Variants in COL2A1 observed in about 807,000 individuals in gnomAD.
COL2A1 encodes the protein collagen type II alpha 1 chain.
Under a neutral mutation model 204.5 loss-of-function variants are expected in COL2A1, and 28 were observed. The ratio of observed to expected loss-of-function variants is 0.14; its 90% confidence interval spans 0.10 to 0.19. The LOEUF (loss-of-function observed/expected upper bound fraction) is 0.19. Among genes scored for constraint, COL2A1 ranks in the 10% least tolerant of loss-of-function variants. The pLI, the probability that COL2A1 is intolerant of heterozygous loss-of-function variation, is 1.00. For missense variants in COL2A1, 1,388 were observed against 2,027.5 expected (o/e 0.68, Z 6.06); for synonymous variants, 708 against 718.7 (o/e 0.99, Z 0.24).
rs140120720 is a variant in COL2A1, at chr12:47,998,185, G to C, written c.326C>G (p.Pro109Arg). 8 of 1,613,996 alleles carry C rather than the reference G, an allele frequency of 5.0e-6. No individual in the cohort carries two copies. In the East Asian group the frequency reaches 6.7e-5, roughly 13 times the overall value. ...QPGPKGQKGE[P>R]GDIKDIVGPK... Reference sequence around the variant, plus strand: ...TGCACTTACATCCTTGATGTCTCCAGGTTCTCCTTTCTGTCCCTGAAACAT... The same window carrying C: ...TGCACTTACATCCTTGATGTCTCCACGTTCTCCTTTCTGTCCCTGAAACAT... Residue 109 changes from proline to arginine, a missense_variant, in exon 4 of 54, where the codon CCT becomes CGT. Around this residue, in one of 3 missense-constraint regions of COL2A1, gnomAD observed 201 missense variants for 242.4 expected, o/e 0.83. Transcript: ENST00000380518.
intron 1 of COL2A1, among the ~76,000 whole-genome samples, chr12:48,000,529 A>G (rs1940184999): frequency 6.6e-6 from 1 of 152,184 alleles, no homozygotes; most frequent in Non-Finnish European, 1.5e-5. Context: ...ATAAAAAGAA[A>G]GGAGACAGAA....
At chr12:47,989,701 G>A in intron 17 of COL2A1, 60 bp downstream of exon 17, 2 of 1,484,858 alleles carry the variant, frequency 1.3e-6, no homozygotes, top group East Asian at 2.3e-5. Flanking sequence ...ACTGCCTTGG[G>A]CTGCTTAACG....
At chr12:47,993,603 C>G in intron 14 of COL2A1, 101 bp from the exon 15 acceptor site, 1 of 1,175,806 alleles carries the variant, frequency 8.5e-7, no homozygotes. Context: ...TCAGCTCGCA[C>G]TGACACAAAC....
rs540750398 is a variant in COL2A1 at position 47,973,451 on chromosome 12, C to T, written c.4420G>A (p.Glu1474Lys). 1.5e-5 allele frequency: 24 copies of T among 1,614,004 alleles called. No individual in the cohort carries two copies. In the Admixed American group the frequency reaches 2.5e-4, roughly 17 times the overall value. ...DIAPMDIGGP[E>K]QEFGVDIGPV... The stretch of plus-strand genomic sequence containing the variant: ...CCTATGTCCACACCGAATTCCTGCT[C>T]GGGCCCTCCTATGTCCATGGGTGCA... The change falls in exon 54 of 54, where the codon GAG becomes AAG. Residue 1474 changes from glutamate to lysine, a missense_variant. Physicochemically the swap from Glu to Lys is moderately conservative, Grantham distance 56. Transcript: ENST00000380518.
chr12:47,991,169 G>A (rs1324903409), intron 16 of COL2A1, among the ~76,000 whole-genome samples: 1 of 152,162 alleles, frequency 6.6e-6, no homozygotes, highest in African/African-American at 2.4e-5. Flanking sequence ...GCAGTTCCTT[G>A]GGGAGCTCTG....
At chr12:47,981,268 G>T (rs1939065082) in intron 37 of COL2A1, 75 bp downstream of exon 37, 3 of 1,486,422 alleles carry the variant, frequency 2.0e-6, no homozygotes, top group Non-Finnish European at 2.8e-6. Context: ...CAGCATGAGG[G>T]CCTGCACTGA....
intron 12 of COL2A1, 69 bp downstream of exon 12, chr12:47,994,355 A>G (rs1176502296): frequency 1.2e-5 from 18 of 1,533,364 alleles, no homozygotes; most frequent in Non-Finnish European, 1.5e-5. Context: ...AACTGGATGC[A>G]CTGTGTTTAA....
At chr12:47,981,150 C>G (rs1378275227) in intron 37 of COL2A1, among the ~76,000 whole-genome samples, 182 bp from the exon 38 acceptor site, 1 of 152,210 alleles carries the variant, frequency 6.6e-6, no homozygotes, top group Non-Finnish European at 1.5e-5. Flanking sequence ...ACCCTGAACA[C>G]ATGATGGGAG....
rs1416036953 is a variant in COL2A1 at position 47,978,788 on chromosome 12, C to T, written c.2734-30G>A. 4 of 1,607,540 alleles carry T rather than the reference C, an allele frequency of 2.5e-6. No homozygotes were observed. Among genetic ancestry groups the T allele is most frequent in the East Asian group, 2.2e-5 (1 of 44,846 alleles). ...AAGGAGAAAATGCGGGAAGTGAGGA[C>T]TCATCTCACCCTTCCTCATCCAGGC... On this transcript the variant is annotated intron_variant, in intron 41 of 53. Coordinates refer to ENST00000380518, the MANE Select transcript of COL2A1 (RefSeq NM_001844.5). This position sits in a 1 kb window ranked among gnomAD's most constrained non-coding sequence, Gnocchi z 5.5.
chr12:47,996,251 G>A (rs1232550340), intron 8 of COL2A1, among the ~76,000 whole-genome samples: 2 of 152,206 alleles, frequency 1.3e-5, no homozygotes, highest in Non-Finnish European at 2.9e-5. Context: ...AACAGTAGCT[G>A]CTGTCTGCAT....
Position 47,976,235 on chromosome 12 carries a change from C to T in COL2A1, c.3490-165G>A, listed in dbSNP as rs545968052. ...AGTTGGTCTCTATTTGGCCAAGAAC[C>T]AGCAGGATAGCTCCATGGCTTGCCT... On this transcript the variant is annotated intron_variant, in intron 49 of 53. Coordinates refer to ENST00000380518, the MANE Select transcript of COL2A1 (RefSeq NM_001844.5). The surrounding 1 kb of genome is among the most constrained non-coding windows in gnomAD (Gnocchi z 4.3). Among the ~76,000 whole-genome samples the T allele has an allele frequency of 6.6e-6, 1 of 152,240 alleles. No individual in the cohort carries two copies. Among genetic ancestry groups the T allele is most frequent in the Non-Finnish European group, 1.5e-5 (1 of 68,028 alleles).
intron 2 of COL2A1, chr12:47,999,713 A>C (rs1940142142): frequency 4.1e-6 from 2 of 488,644 alleles, no homozygotes; most frequent in Non-Finnish European, 3.5e-6. Flanking sequence ...GATGTTGGGC[A>C]AAGAAGGACC....
chr12:47,975,870 T>C (rs896648876), intron 50 of COL2A1, 93 bp downstream of exon 50: 3 of 973,154 alleles, frequency 3.1e-6, no homozygotes, highest in African/African-American at 1.6e-5. Flanking sequence ...AGCTGCAGGC[T>C]GATGCCCTAA....
intron 14 of COL2A1, 66 bp downstream of exon 14, chr12:47,993,724 AGCTCCACAGTGTCTCCCTG>A: frequency 6.8e-7 from 1 of 1,479,130 alleles, no homozygotes; most frequent in Non-Finnish European, 9.4e-7. Context: ...AGTTCCACTG[AGCTCCACAGTGTCTCCCTG>A]GCTAGGAAGA....
intron 51 of COL2A1, 52 bp downstream of exon 51, chr12:47,975,265 A>G: frequency 6.2e-7 from 1 of 1,606,416 alleles, no homozygotes; most frequent in Non-Finnish European, 8.5e-7. Flanking sequence ...TGCTAGGCCT[A>G]AGGGATGACT....
Position 47,974,859 on chromosome 12 carries a change from T to C in COL2A1, c.3890A>G (p.Asp1297Gly). Reference sequence around the variant, plus strand: ...GCCTTGGTTGGGGTCAATCCAGTAGTCTCCTGCAGGGGGAAGAGGCAGCAC... The same window carrying C: ...GCCTTGGTTGGGGTCAATCCAGTAGCCTCCTGCAGGGGGAAGAGGCAGCAC... ...KLCHPEWKSG[D>G]YWIDPNQGCT... Residue 1297 changes from aspartate to glycine, a missense_variant, in exon 52 of 54, where the codon GAC becomes GGC. Physicochemically the swap from Asp to Gly is moderately conservative, Grantham distance 94 (BLOSUM62 -1). Around this residue, in one of 3 missense-constraint regions of COL2A1, gnomAD observed 303 missense variants for 369.2 expected, o/e 0.82. Transcript: ENST00000380518. 6.2e-7 allele frequency: 1 copy of C among 1,612,964 alleles called. No individual in the cohort carries two copies. The highest frequency in any genetic ancestry group is 8.5e-7 in the Non-Finnish European group (1 of 1,179,232).
intron 2 of COL2A1, chr12:47,999,634 A>ATTTTTT (rs10708850): frequency 0.18 from 27,446 of 155,316 alleles, 3,801 homozygotes; most frequent in East Asian, 0.45. Context: ...TTCAGAGAGG[A>ATTTTTT]TTTTTTTTTT....
At chr12:47,982,827 A>C in intron 33 of COL2A1, 21 bp downstream of exon 33, 1 of 1,600,454 alleles carries the variant, frequency 6.2e-7, no homozygotes. Context: ...GAAGACCCCT[A>C]CAGGATGCAG....
In COL2A1 at chr12:47,987,027, G is replaced by T; in HGVS notation, c.1365+51C>A. On this transcript the variant is annotated intron_variant, in intron 21 of 53. Transcript: ENST00000380518. This position sits in a 1 kb window ranked among gnomAD's most constrained non-coding sequence, Gnocchi z 4.1. ...GAGCATGGGAAAGAGGGGTGATGGG[G>T]TTTGACTCCAGAGATGTCAGTGGAA... 6.3e-7 allele frequency: 1 copy of T among 1,590,058 alleles called. No individual in the cohort carries two copies. Among genetic ancestry groups the T allele is most frequent in the Non-Finnish European group, 8.6e-7 (1 of 1,158,064 alleles).
Sources: allele counts gnomAD v4.1 joint callset (sites outside exome capture counted in the v4.1 genomes callset), GRCh38; gene constraint gnomAD v4.1.1; regional missense constraint gnomAD v4.1.1; non-coding constraint Gnocchi (gnomAD v3.1); transcripts MANE v1.5; gene names NCBI Gene and HGNC (gene_info 2026-07-23, HGNC 2026-07-21).